TESK2: variants seen among roughly 807,000 people sequenced by gnomAD.
TESK2 encodes the protein testis associated actin remodelling kinase 2, also known as dual specificity testis-specific protein kinase 2.
In TESK2, 39 loss-of-function variants were observed where a neutral mutation model predicts 57.1. The ratio of observed to expected loss-of-function variants is 0.68; its 90% CI spans 0.53 to 0.89. The LOEUF is 0.89. Among genes scored for constraint, TESK2 ranks in the 40% least tolerant of loss-of-function variants. The pLI is 0.00. For missense variants in TESK2, 646 were observed against 732.1 expected (o/e 0.88, Z 1.36); for synonymous variants, 249 against 267.9 (o/e 0.93, Z 0.69).
At chr1:45,402,486 CTTTT>C (rs577207332) in intron 3 of TESK2, among the ~76,000 whole-genome samples, 1 of 142,118 alleles carries the variant, frequency 7.0e-6, no homozygotes. Context: ...ACTATTTTTT[CTTTT>C]TTTTTTTTTG....
chr1:45,448,346 T>C (rs1339915317), intron 2 of TESK2, among the ~76,000 whole-genome samples: 1 of 151,032 alleles, frequency 6.6e-6, no homozygotes, highest in East Asian at 1.9e-4. Flanking sequence ...ATTTGAAAAA[T>C]ACTCAACATC....
intron 2 of TESK2, among the ~76,000 whole-genome samples, chr1:45,427,869 A>G (rs1296008007): frequency 6.6e-6 from 1 of 152,174 alleles, no homozygotes; most frequent in Non-Finnish European, 1.5e-5. Flanking sequence ...ACTCAACAAT[A>G]ATTTAATTGT....
At chr1:45,472,892 C>T (rs1478345849) in intron 1 of TESK2, among the ~76,000 whole-genome samples, 2 of 150,650 alleles carry the variant, frequency 1.3e-5, no homozygotes, top group African/African-American at 4.9e-5. Flanking sequence ...AATCCCAGCA[C>T]TTTGGGAAGC....
intron 1 of TESK2, among the ~76,000 whole-genome samples, chr1:45,474,032 T>C (rs1370791535): frequency 6.6e-6 from 1 of 152,164 alleles, no homozygotes; most frequent in African/African-American, 2.4e-5. Flanking sequence ...TAGTTAAGTA[T>C]AATAATGATA....
intron 4 of TESK2, among the ~76,000 whole-genome samples, chr1:45,382,953 A>G (rs1466076107): frequency 1.3e-5 from 2 of 152,208 alleles, no homozygotes; most frequent in Non-Finnish European, 2.9e-5. Context: ...AGTTCAATTA[A>G]TGTCTACAAT....
chr1:45,398,997 A>C (rs915720001), intron 3 of TESK2: 5 of 434,118 alleles, frequency 1.2e-5, no homozygotes, highest in Non-Finnish European at 1.8e-5. Flanking sequence ...AAAAAAAAAA[A>C]AAAAAAAAAA....
In TESK2 at chr1:45,443,468, G is replaced by C. The variant is rs543335214; in HGVS notation, c.222+14096C>G. ...GCCTGTGGTCCCAGCTACTCGAGAG[G>C]CTGAGGCAGGATAATCGCTTGAACC... On this transcript the variant is annotated intron_variant, in intron 2 of 10. Transcript: ENST00000372086. Among the ~76,000 whole-genome samples, 13 of 150,568 alleles carry C rather than the reference G, an allele frequency of 8.6e-5. No individual in the cohort carries two copies. The South Asian group carries it at 2.7e-3, about 31-fold the overall frequency.
chr1:45,483,155 C>A (rs1237983637), intron 1 of TESK2, among the ~76,000 whole-genome samples: 1 of 151,344 alleles, frequency 6.6e-6, no homozygotes, highest in East Asian at 1.9e-4. Context: ...GTAGCGGGTA[C>A]CTGTAATCCC....
At chr1:45,448,668 A>G (rs55680990) in intron 2 of TESK2, among the ~76,000 whole-genome samples, 8,052 of 152,196 alleles carry the variant, frequency 0.053, 728 homozygotes, top group African/African-American at 0.18. Context: ...ACGGGATGGT[A>G]CTAAACCATT....
At chr1:45,357,240 AATGTATGT>A (rs1304278990) in intron 4 of TESK2, among the ~76,000 whole-genome samples, 2 of 122,302 alleles carry the variant, frequency 1.6e-5, no homozygotes, top group Admixed American at 8.1e-5. Flanking sequence ...TAAATAAATA[AATGTATGT>A]ATGTATGTAT....
chr1:45,420,020 T>C lies in TESK2; in HGVS notation c.344+1705A>G, dbSNP rs186268504. Among the ~76,000 whole-genome samples, 8 of 152,300 alleles carry C rather than the reference T, an allele frequency of 5.3e-5. No homozygotes were observed. The East Asian group carries it at 1.2e-3, about 22-fold the overall frequency. On this transcript the variant is annotated intron_variant, in intron 3 of 10. Coordinates refer to ENST00000372086, the MANE Select transcript of TESK2 (RefSeq NM_007170.3). ...CATATGAGTTCTCTCTAGCCTAATA[T>C]AAACATACAAAAAATAGCAATAAAT...
At chr1:45,384,604 T>A (rs11485674) in intron 4 of TESK2, among the ~76,000 whole-genome samples, 1,812 of 68,292 alleles carry the variant, frequency 0.027, 61 homozygotes, top group African/African-American at 0.073. Flanking sequence ...TTTTTTTTTT[T>A]TTTTTTTTTT....
At chr1:45,387,766 G>A (rs1648961349) in intron 3 of TESK2, among the ~76,000 whole-genome samples, 1 of 152,190 alleles carries the variant, frequency 6.6e-6, no homozygotes, top group Non-Finnish European at 1.5e-5. Flanking sequence ...CAGCATTTTG[G>A]GAGGCCAAGG....
chr1:45,461,106 C>T (rs757435835), intron 1 of TESK2, among the ~76,000 whole-genome samples: 1 of 151,890 alleles, frequency 6.6e-6, no homozygotes, highest in Non-Finnish European at 1.5e-5. Flanking sequence ...AGTGATCCTC[C>T]CACCTTAGCC....
intron 1 of TESK2, among the ~76,000 whole-genome samples, chr1:45,480,929 A>G (rs1050135674): frequency 1.3e-5 from 2 of 151,906 alleles, no homozygotes; most frequent in Non-Finnish European, 2.9e-5. Context: ...TGGAGGTTGC[A>G]GTGAGCTGAG....
chr1:45,458,520 G>A (rs1652203902), intron 1 of TESK2, among the ~76,000 whole-genome samples: 3 of 151,088 alleles, frequency 2.0e-5, no homozygotes, highest in Non-Finnish European at 4.4e-5. Context: ...AGCCGAGATC[G>A]TGCCACTGCA....
At chr1:45,348,555 C>A (rs1291600257) in intron 5 of TESK2, among the ~76,000 whole-genome samples, 1 of 152,242 alleles carries the variant, frequency 6.6e-6, no homozygotes, top group African/African-American at 2.4e-5. Flanking sequence ...CGCTGTCCCC[C>A]TGTTCCTGGT....
intron 6 of TESK2, 33 bp from the exon 7 acceptor site, chr1:45,347,726 G>T: frequency 6.2e-7 from 1 of 1,605,312 alleles, no homozygotes; most frequent in Non-Finnish European, 8.5e-7. Flanking sequence ...AAATGAGCTT[G>T]CCAATGGCTG....
At chr1:45,384,614 T>TATTTTA (rs1310871577) in intron 4 of TESK2, among the ~76,000 whole-genome samples, 1 of 133,932 alleles carries the variant, frequency 7.5e-6, no homozygotes, top group African/African-American at 2.9e-5. Context: ...TTTTTTTTTT[T>TATTTTA]TTTTTTTTTT....
Sources: gnomAD v4.1 joint callset for allele counts (sites outside exome capture counted in the v4.1 genomes callset) on GRCh38, gnomAD v4.1.1 for gene constraint, MANE v1.5 for transcripts, NCBI Gene and HGNC (gene_info 2026-07-23, HGNC 2026-07-21) for gene names.